JAZF1: variants seen among roughly 807,000 people sequenced by gnomAD.
JAZF1 encodes the protein juxtaposed with another zinc finger protein 1.
JAZF1 carries 8 observed loss-of-function variants against 26.4 expected under a neutral mutation model. That is an observed-to-expected ratio of 0.30 (90% CI 0.18 to 0.55). JAZF1 has a LOEUF of 0.55. Ranked by LOEUF, JAZF1 falls within the 20% of genes least tolerant of loss-of-function variation. The pLI is 0.94. For synonymous variants in JAZF1, 126 were observed against 122.3 expected (o/e 1.03, Z -0.20); for missense variants, 199 against 322.0 (o/e 0.62, Z 2.92).
intron 1 of JAZF1, among the ~76,000 whole-genome samples, chr7:28,104,119 C>T (rs1784515970): frequency 6.6e-6 from 1 of 152,162 alleles, no homozygotes; most frequent in South Asian, 2.1e-4. Flanking sequence ...ATGCTGTTCT[C>T]CCAGCTGGCC....
intron 2 of JAZF1, among the ~76,000 whole-genome samples, chr7:27,905,429 TTCTTTC>T (rs1350246756): frequency 1.4e-5 from 1 of 72,530 alleles, no homozygotes; most frequent in African/African-American, 4.2e-5. Flanking sequence ...GTTCATTTCT[TTCTTTC>T]TTTTTTTTTT....
chr7:28,120,501 C>CTTTTTT (rs58448766), intron 1 of JAZF1, among the ~76,000 whole-genome samples: 2,757 of 58,972 alleles, frequency 0.047, 637 homozygotes, highest in Middle Eastern at 0.079. Flanking sequence ...ACACACAGTT[C>CTTTTTT]TTTTTTTTTT....
intron 3 of JAZF1, among the ~76,000 whole-genome samples, chr7:27,886,074 C>T (rs1783856946): frequency 6.6e-6 from 1 of 152,162 alleles, no homozygotes; most frequent in African/African-American, 2.4e-5. Flanking sequence ...ATCTTGAAAG[C>T]AGAGCGGGGA....
chr7:28,114,537 T>C (rs1249696513), intron 1 of JAZF1, among the ~76,000 whole-genome samples: 1 of 151,462 alleles, frequency 6.6e-6, no homozygotes, highest in Non-Finnish European at 1.5e-5. Flanking sequence ...AACAGAAGCA[T>C]CATCAAGGCA....
At chr7:28,056,296 A>T (rs896369789) in intron 1 of JAZF1, among the ~76,000 whole-genome samples, 4 of 152,086 alleles carry the variant, frequency 2.6e-5, no homozygotes, top group Non-Finnish European at 4.4e-5. Context: ...AGTTCATACC[A>T]CATGTACATG....
intron 1 of JAZF1, among the ~76,000 whole-genome samples, chr7:28,116,926 C>A (rs1036157877): frequency 6.6e-6 from 1 of 151,712 alleles, no homozygotes; most frequent in Non-Finnish European, 1.5e-5. Flanking sequence ...CAGGTTCAAG[C>A]GATTCTCCTG....
At position 27,988,712 on chromosome 7, in the gene JAZF1, T is replaced by C. The variant is rs763333968; in HGVS notation, c.188+3197A>G. 3.5e-4 allele frequency among the ~76,000 whole-genome samples: 53 copies of C among 152,124 alleles called. 1 individual carries two copies. Among genetic ancestry groups the C allele is most frequent in the Non-Finnish European group, 1.3e-4 (9 of 68,018 alleles). ...GGTAAAAAAAATAGCATATCATTGT[T>C]TGAATCTATTGTTATTTTCATTATA... is the stretch of plus-strand genomic sequence containing the variant. On this transcript the variant is annotated intron_variant, in intron 2 of 4. Coordinates refer to ENST00000283928, the MANE Select transcript of JAZF1 (RefSeq NM_175061.4).
chr7:28,083,358 C>A (rs10951191), intron 1 of JAZF1, among the ~76,000 whole-genome samples: 106,132 of 152,054 alleles, frequency 0.7, 37,884 homozygotes, highest in Admixed American at 0.82. Context: ...ATATTTACTG[C>A]ATAAACTCAT....
chr7:27,929,967 T>C (rs937153312), intron 2 of JAZF1, among the ~76,000 whole-genome samples: 3 of 150,608 alleles, frequency 2.0e-5, no homozygotes, highest in African/African-American at 7.4e-5. Flanking sequence ...TCTCCCCCTC[T>C]CTCCCTCCCT....
chr7:27,846,544 T>C (rs1038991283), intron 3 of JAZF1: 2 of 470,974 alleles, frequency 4.2e-6, no homozygotes, highest in African/African-American at 4.0e-5. Flanking sequence ...GATGATCTCA[T>C]TTTCTGTAGG....
intron 2 of JAZF1, among the ~76,000 whole-genome samples, chr7:27,903,015 T>TAAAA (rs60212939): frequency 6.1e-5 from 6 of 98,936 alleles, no homozygotes; most frequent in South Asian, 7.7e-4. Context: ...GACTCCGTCT[T>TAAAA]AAAAAAAAAA....
intron 3 of JAZF1, among the ~76,000 whole-genome samples, chr7:27,851,583 A>C (rs1408033212): frequency 6.6e-6 from 1 of 152,106 alleles, no homozygotes; most frequent in African/African-American, 2.4e-5. Context: ...ACCAGGATAG[A>C]ACCCTGTGAT....
intron 1 of JAZF1, among the ~76,000 whole-genome samples, chr7:28,160,538 T>G (rs1427742809): frequency 6.6e-6 from 1 of 152,158 alleles, no homozygotes; most frequent in African/African-American, 2.4e-5. Context: ...CAAAGGTTCC[T>G]TCTGCTGCAA....
At chr7:28,037,908 C>G (rs1021798762) in intron 1 of JAZF1, among the ~76,000 whole-genome samples, 1 of 152,196 alleles carries the variant, frequency 6.6e-6, no homozygotes, top group Non-Finnish European at 1.5e-5. Flanking sequence ...CTCATAATTT[C>G]TACGTCAAAC....
chr7:28,179,184 T>C (rs893041011), intron 1 of JAZF1, among the ~76,000 whole-genome samples: 1 of 152,220 alleles, frequency 6.6e-6, no homozygotes, highest in East Asian at 1.9e-4. Context: ...GACAGCCCCA[T>C]TGGGACATCG....
chr7:27,858,636 T>A (rs748410634), intron 3 of JAZF1, among the ~76,000 whole-genome samples: 43 of 152,174 alleles, frequency 2.8e-4, no homozygotes, highest in Non-Finnish European at 2.1e-4. Context: ...GGGGAAAGGA[T>A]TCCCTATTTA....
At chr7:27,901,149 C>T (rs968870598) in intron 2 of JAZF1, among the ~76,000 whole-genome samples, 1 of 152,164 alleles carries the variant, frequency 6.6e-6, no homozygotes, top group Non-Finnish European at 1.5e-5. Flanking sequence ...AATCTGCGGT[C>T]AGGCAAAGCA....
intron 2 of JAZF1, among the ~76,000 whole-genome samples, chr7:27,979,366 A>ATTTTTTTTT (rs55737757): frequency 5.1e-5 from 3 of 58,434 alleles, no homozygotes; most frequent in African/African-American, 6.6e-5. Context: ...GGTACACTAC[A>ATTTTTTTTT]TTTTTTTTTT....
Position 27,894,075 on chromosome 7 carries a change from T to C in JAZF1, c.385+1145A>G, listed in dbSNP as rs1784019091. ...TGACTGCTATTTTACTTTTTAATCA[T>C]TTCCACACTTGGGAGAGGAAGACAA... On this transcript the variant is annotated intron_variant, in intron 3 of 4. Coordinates refer to ENST00000283928, the MANE Select transcript of JAZF1 (RefSeq NM_175061.4). Among the ~76,000 whole-genome samples the C allele has an allele frequency of 4.6e-5, 7 of 152,362 alleles. No homozygotes were observed. In the South Asian group the frequency reaches 1.4e-3, roughly 32 times the overall value.
Sources: allele counts gnomAD v4.1 joint callset (sites outside exome capture counted in the v4.1 genomes callset), GRCh38; gene constraint gnomAD v4.1.1; transcripts MANE v1.5; gene names NCBI Gene and HGNC (gene_info 2026-07-23, HGNC 2026-07-21).